The following APLF variants were observed in gnomAD, a reference collection of about 807,000 sequenced individuals.
APLF encodes the protein aprataxin and PNKP like factor, also known as aprataxin and PNK-like factor.
APLF carries 61 observed loss-of-function variants against 55.6 expected under a neutral mutation model. The observed-to-expected ratio is 1.10, with a 90% CI of 0.89 to 1.36. The LOEUF (loss-of-function observed/expected upper bound fraction) is 1.36. APLF is among the 40% of genes most tolerant of loss of function. APLF has a pLI of 0.00. For synonymous variants in APLF, 207 were observed against 214.8 expected (o/e 0.96, Z 0.32); for missense variants, 611 against 602.5 (o/e 1.01, Z -0.15).
rs113200170 is a variant in APLF, at chr2:68,486,121, G to T, written c.97-4069G>T. On this transcript the variant is annotated intron_variant, in intron 1 of 9. Transcript: ENST00000303795. ...AGAGTTTTTTTGCACTGGTTTCTCT[G>T]TCCTTCTGACATGCACCCATCAATT... Among the ~76,000 whole-genome samples, 30 of 152,060 alleles carry T rather than the reference G, an allele frequency of 2.0e-4. 1 individual carries two copies. Among genetic ancestry groups the T allele is most frequent in the African/African-American group, 6.8e-4 (28 of 41,438 alleles).
intron 8 of APLF, among the ~76,000 whole-genome samples, chr2:68,547,144 G>A (rs1670730451): frequency 6.6e-6 from 1 of 151,586 alleles, no homozygotes; most frequent in Admixed American, 6.6e-5. Flanking sequence ...ACATCAAAAA[G>A]TAAAGAGTCC....
intron 3 of APLF, among the ~76,000 whole-genome samples, chr2:68,505,252 A>G (rs1034521311): frequency 2.0e-5 from 3 of 152,096 alleles, no homozygotes; most frequent in African/African-American, 7.2e-5. Context: ...TTTTTGTTAC[A>G]ATAAACTTTC....
chr2:68,518,308 A>T (rs1669712475), intron 5 of APLF, among the ~76,000 whole-genome samples: 1 of 114,128 alleles, frequency 8.8e-6, no homozygotes, highest in Non-Finnish European at 1.6e-5. Context: ...TATATTATAT[A>T]TTATTTAATA....
intron 1 of APLF, among the ~76,000 whole-genome samples, chr2:68,485,288 T>A (rs567476970): frequency 3.9e-5 from 6 of 152,334 alleles, no homozygotes; most frequent in African/African-American, 1.4e-4. Context: ...TCAGTGCTTC[T>A]GTGAGTCCAG....
intron 5 of APLF, among the ~76,000 whole-genome samples, chr2:68,517,004 A>G (rs1669607995): frequency 1.6e-5 from 2 of 124,224 alleles, no homozygotes; most frequent in East Asian, 4.3e-4. Flanking sequence ...ATATATGTTA[A>G]TATATAATAT....
rs1281957678 is a variant in APLF, at chr2:68,467,772, C to T, written c.41C>T (p.Pro14Leu). The T allele has an allele frequency of 7.3e-6, 9 of 1,234,362 alleles. No individual in the cohort carries two copies. Among genetic ancestry groups the T allele is most frequent in the Non-Finnish European group, 7.1e-6 (7 of 988,090 alleles). 76.5% of individuals were successfully genotyped at this position (1,234,362 alleles called of 1,614,324 possible). ...GFELQPRDGG[P>L]RVALAPGETV... ...GAGCTGCAGCCGCGGGACGGCGGTC[C>T]CCGGGTGGCCCTGGCGCCCGGGGAG... The change falls in exon 1 of 10, where the codon CCC becomes CTC. Residue 14 changes from proline (P) to leucine (L), a missense_variant. Physicochemically the swap from Pro to Leu is moderately conservative, Grantham distance 98. Coordinates refer to ENST00000303795, the MANE Select transcript of APLF (RefSeq NM_173545.3).
intron 9 of APLF, among the ~76,000 whole-genome samples, chr2:68,574,239 A>G (rs901784657): frequency 1.1e-4 from 17 of 152,124 alleles, no homozygotes; most frequent in African/African-American, 3.9e-4. Context: ...GCAGAATTGG[A>G]TATTTCTCTA....
intron 1 of APLF, among the ~76,000 whole-genome samples, chr2:68,479,561 G>A (rs1028657799): frequency 1.3e-5 from 2 of 152,224 alleles, no homozygotes; most frequent in African/African-American, 2.4e-5. Flanking sequence ...AGAAGCAGCA[G>A]TGCCAGTTAC....
In APLF at chr2:68,578,760, TGTCTTTATATTAA is replaced by T. The variant is rs1239470910; in HGVS notation, c.*740_*752del. On this transcript the variant is annotated 3_prime_UTR_variant, in exon 10 of 10. Coordinates refer to ENST00000303795, the MANE Select transcript of APLF (RefSeq NM_173545.3). ...CTGATTATTTTAACTCTCAGTGTGC[TGTCTTTATATTAA>T]GAATAGAGAAACGACATAACTTTCT... is the stretch of plus-strand genomic sequence containing the variant. The T allele has an allele frequency of 1.0e-6, 1 of 985,208 alleles. No individual in the cohort carries two copies. Among genetic ancestry groups the T allele is most frequent in the East Asian group, 1.1e-4 (1 of 8,836 alleles). The allele number at this position is 985,208 out of a possible 1,614,324, so 61.0% of individuals were successfully genotyped here. A position where few individuals can be genotyped will look rare whatever the true frequency, so the allele number is the denominator to read the frequency against.
intron 6 of APLF, among the ~76,000 whole-genome samples, chr2:68,526,613 A>G (rs1174854001): frequency 6.6e-6 from 1 of 152,252 alleles, no homozygotes; most frequent in African/African-American, 2.4e-5. Flanking sequence ...CTTACAGTCA[A>G]GGAAAAAGAA....
At chr2:68,538,614 CTT>C (rs1426286512) in intron 7 of APLF, among the ~76,000 whole-genome samples, 1 of 151,180 alleles carries the variant, frequency 6.6e-6, no homozygotes, top group East Asian at 1.9e-4. Context: ...ATTTAGGTGT[CTT>C]TTCTTTATAT....
chr2:68,579,473 A>G lies in APLF; in HGVS notation c.*1451A>G, dbSNP rs1361803112. ...ACCCAGAGGAATTGAAAACATTTCC[A>G]CATAAAAACTGTACACAATGTCAAT... On this transcript the variant is annotated 3_prime_UTR_variant, in exon 10 of 10. Transcript: ENST00000303795. The G allele has an allele frequency of 1.2e-6, 1 of 838,542 alleles. No individual in the cohort carries two copies. Among genetic ancestry groups the G allele is most frequent in the Admixed American group, 6.2e-5 (1 of 16,060 alleles). The allele number at this position is 838,542 out of a possible 1,614,324, so 51.9% of individuals were successfully genotyped here.
chr2:68,571,052 A>G (rs1671445959), intron 9 of APLF, among the ~76,000 whole-genome samples: 1 of 152,122 alleles, frequency 6.6e-6, no homozygotes, highest in Non-Finnish European at 1.5e-5. Context: ...GCCAGTGATG[A>G]TGAGCATTTT....
chr2:68,529,104 C>G lies in APLF; in HGVS notation c.804+2862C>G, dbSNP rs1476297375. On this transcript the variant is annotated intron_variant, in intron 6 of 9. Transcript: ENST00000303795. The surrounding 1 kb of genome is among the most constrained non-coding windows in gnomAD (Gnocchi z 4.4). ...TTGCCTCTGAGACGAGGGATCCTCA[C>G]GGGGCTGAGGTATCCAAACATCCTG... The G allele has an allele frequency of 7.3e-7, 1 of 1,370,502 alleles. No homozygotes were observed. The highest frequency in any genetic ancestry group is 2.0e-5 in the Admixed American group (1 of 50,616). 84.9% of individuals were successfully genotyped at this position (1,370,502 alleles called of 1,614,324 possible).
At chr2:68,479,291 A>G (rs986943800) in intron 1 of APLF, among the ~76,000 whole-genome samples, 2 of 152,254 alleles carry the variant, frequency 1.3e-5, no homozygotes, top group Non-Finnish European at 2.9e-5. Flanking sequence ...GGAAAAAGTC[A>G]TGAAAGCCAT....
intron 2 of APLF, among the ~76,000 whole-genome samples, chr2:68,501,831 T>G (rs1676730937): frequency 6.6e-6 from 1 of 152,184 alleles, no homozygotes; most frequent in Non-Finnish European, 1.5e-5. Context: ...ATTAGAATCT[T>G]CCTTCCTATA....
At chr2:68,559,610 ATCAT>A (rs1489724006) in intron 8 of APLF, among the ~76,000 whole-genome samples, 2 of 152,010 alleles carry the variant, frequency 1.3e-5, no homozygotes, top group African/African-American at 2.4e-5. Flanking sequence ...TTTCCTTCAC[ATCAT>A]TCATTCAGTC....
chr2:68,529,200 G>A lies in APLF; in HGVS notation c.804+2958G>A. Reference sequence around the variant, plus strand: ...CAGACAACAGGAGGCAGGACCCTCTGTGGGGTGCCCGTGTTCCAAGGGATA... The same window carrying A: ...CAGACAACAGGAGGCAGGACCCTCTATGGGGTGCCCGTGTTCCAAGGGATA... On this transcript the variant is annotated intron_variant, in intron 6 of 9. Transcript: ENST00000303795. The surrounding 1 kb of genome is among the most constrained non-coding windows in gnomAD (Gnocchi z 4.4). 1 of 1,260,848 alleles carries A rather than the reference G, an allele frequency of 7.9e-7. No homozygotes were observed. Among genetic ancestry groups the A allele is most frequent in the Non-Finnish European group, 1.1e-6 (1 of 930,570 alleles). The allele number at this position is 1,260,848 out of a possible 1,614,324, so 78.1% of individuals were successfully genotyped here. A position where few individuals can be genotyped will look rare whatever the true frequency, so the allele number is the denominator to read the frequency against.
rs112897279 is a variant in APLF, at chr2:68,489,076, T to G, written c.97-1114T>G. Among the ~76,000 whole-genome samples, 31 of 151,864 alleles carry G rather than the reference T, an allele frequency of 2.0e-4. 1 individual carries two copies. The highest frequency in any genetic ancestry group is 7.1e-4 in the African/African-American group (29 of 41,126). On this transcript the variant is annotated intron_variant, in intron 1 of 9. Coordinates refer to ENST00000303795, the MANE Select transcript of APLF (RefSeq NM_173545.3). Reference sequence around the variant, plus strand: ...TATTAGTTTGTACTTACTTCTTGGATAGCCATTGTGGCTAACAATAGATTG... The same window carrying G: ...TATTAGTTTGTACTTACTTCTTGGAGAGCCATTGTGGCTAACAATAGATTG...
Sources: allele counts gnomAD v4.1 joint callset (sites outside exome capture counted in the v4.1 genomes callset), GRCh38; gene constraint gnomAD v4.1.1; non-coding constraint Gnocchi (gnomAD v3.1); transcripts MANE v1.5; gene names NCBI Gene and HGNC (gene_info 2026-07-23, HGNC 2026-07-21).